The following BNC2 variants were observed in gnomAD, a reference collection of about 807,000 sequenced individuals.
BNC2 encodes the protein basonuclin zinc finger protein 2.
BNC2 carries 20 observed loss-of-function variants against 76.3 expected under a neutral mutation model. The ratio of observed to expected loss-of-function variants is 0.26; its 90% CI spans 0.18 to 0.38. BNC2 has a LOEUF of 0.38. Ranked by LOEUF, BNC2 falls within the 10% of genes least tolerant of loss-of-function variation. The pLI, the probability that BNC2 is intolerant of heterozygous loss-of-function variation, is 1.00. For synonymous variants in BNC2, 582 were observed against 514.8 expected (o/e 1.13, Z -1.77); for missense variants, 1,382 against 1,399.8 (o/e 0.99, Z 0.20).
At chr9:16,600,387 T>C (rs551573454) in intron 3 of BNC2, among the ~76,000 whole-genome samples, 2 of 152,328 alleles carry the variant, frequency 1.3e-5, no homozygotes, top group Admixed American at 6.5e-5. Flanking sequence ...TGTGCTCAAG[T>C]TGTTTAACAC....
chr9:16,453,325 G>C lies in BNC2; in HGVS notation c.670-15801C>G, dbSNP rs1821381441. 3.9e-5 allele frequency among the ~76,000 whole-genome samples: 6 copies of C among 152,296 alleles called. No homozygotes were observed. The South Asian group carries it at 1.2e-3, about 32-fold the overall frequency. On this transcript the variant is annotated intron_variant, in intron 5 of 6. Coordinates refer to ENST00000380672, the MANE Select transcript of BNC2 (RefSeq NM_017637.6). ...GCCATGATTCAAAGAAGCAGTTTGA[G>C]TTGAGCCCTCCACTGAGATGCTCTT...
chr9:16,710,052 G>A (rs1294438840), intron 3 of BNC2, among the ~76,000 whole-genome samples: 1 of 151,768 alleles, frequency 6.6e-6, no homozygotes, highest in Non-Finnish European at 1.5e-5. Flanking sequence ...TTATTTTCAA[G>A]ACATTCATAT....
At chr9:16,532,672 A>C (rs1237907467) in intron 5 of BNC2, among the ~76,000 whole-genome samples, 4 of 152,202 alleles carry the variant, frequency 2.6e-5, no homozygotes, top group Non-Finnish European at 5.9e-5. Context: ...AGGTACTCAA[A>C]ATTCATCACT....
chr9:16,503,721 A>C (rs940996280), intron 5 of BNC2, among the ~76,000 whole-genome samples: 1 of 152,206 alleles, frequency 6.6e-6, no homozygotes, highest in African/African-American at 2.4e-5. Flanking sequence ...GACAATGTTT[A>C]CTCAAGTTTT....
chr9:16,791,352 C>T (rs913413374), intron 1 of BNC2, among the ~76,000 whole-genome samples: 12 of 152,136 alleles, frequency 7.9e-5, no homozygotes, highest in Admixed American at 3.3e-4. Flanking sequence ...TGAGCCACCG[C>T]GCCCGGCCAC....
At chr9:16,747,897 A>T (rs1435971686) in intron 1 of BNC2, among the ~76,000 whole-genome samples, 2 of 152,192 alleles carry the variant, frequency 1.3e-5, no homozygotes, top group Non-Finnish European at 2.9e-5. Flanking sequence ...ATCCTTTCAT[A>T]GTTAGTTATA....
At position 16,723,319 on chromosome 9, in the gene BNC2, A is replaced by C. The variant is rs1824219443; in HGVS notation, c.330+4478T>G. Among the ~76,000 whole-genome samples the C allele has an allele frequency of 3.3e-5, 5 of 152,258 alleles. No individual in the cohort carries two copies. The South Asian group carries it at 1.0e-3, about 32-fold the overall frequency. Reference sequence around the variant, plus strand: ...CTGCTTTACTCAGGGCTTTGATTAAATAAGAATATACATCCTATGTAAAAA... The same window carrying C: ...CTGCTTTACTCAGGGCTTTGATTAACTAAGAATATACATCCTATGTAAAAA... On this transcript the variant is annotated intron_variant, in intron 3 of 6. Coordinates refer to ENST00000380672, the MANE Select transcript of BNC2 (RefSeq NM_017637.6).
intron 3 of BNC2, among the ~76,000 whole-genome samples, chr9:16,599,047 C>T (rs1443635244): frequency 6.6e-6 from 1 of 152,124 alleles, no homozygotes; most frequent in East Asian, 1.9e-4. Flanking sequence ...CATATAAAAA[C>T]AACTGAACAT....
At chr9:16,461,770 T>G (rs1413133235) in intron 5 of BNC2, among the ~76,000 whole-genome samples, 1 of 152,214 alleles carries the variant, frequency 6.6e-6, no homozygotes, top group Non-Finnish European at 1.5e-5. Context: ...TTTACATACC[T>G]ACTGTGTCAG....
intron 1 of BNC2, among the ~76,000 whole-genome samples, chr9:16,785,179 G>A (rs145923666): frequency 6.6e-6 from 1 of 152,264 alleles, no homozygotes; most frequent in East Asian, 1.9e-4. Context: ...GTTAATATGT[G>A]TCCACATTTA....
At chr9:16,558,871 T>C (rs1292789690) in intron 4 of BNC2, among the ~76,000 whole-genome samples, 2 of 150,138 alleles carry the variant, frequency 1.3e-5, no homozygotes, top group Non-Finnish European at 3.0e-5. Context: ...GAAGCAGAGG[T>C]TGCAGTGAGC....
At chr9:16,805,483 C>A (rs933715969) in intron 1 of BNC2, among the ~76,000 whole-genome samples, 1 of 151,988 alleles carries the variant, frequency 6.6e-6, no homozygotes, top group African/African-American at 2.4e-5. Flanking sequence ...CGTGCCACCA[C>A]AGCCTGGCTA....
At chr9:16,838,932 G>C (rs1175031499) in intron 1 of BNC2, among the ~76,000 whole-genome samples, 1 of 152,140 alleles carries the variant, frequency 6.6e-6, no homozygotes, top group African/African-American at 2.4e-5. Flanking sequence ...CTATTGTATT[G>C]GTCTATGTGT....
At chr9:16,507,066 T>C (rs988163555) in intron 5 of BNC2, among the ~76,000 whole-genome samples, 16 of 152,110 alleles carry the variant, frequency 1.1e-4, no homozygotes, top group Non-Finnish European at 1.5e-5. Flanking sequence ...CACTTCTCTA[T>C]AAGGCCCGCC....
chr9:16,627,705 A>C (rs1821038396), intron 3 of BNC2, among the ~76,000 whole-genome samples: 1 of 152,172 alleles, frequency 6.6e-6, no homozygotes, highest in African/African-American at 2.4e-5. Context: ...GAGCTGTAAT[A>C]CCATACTCAT....
intron 3 of BNC2, among the ~76,000 whole-genome samples, chr9:16,662,607 A>G (rs1394612900): frequency 1.3e-5 from 2 of 152,162 alleles, no homozygotes; most frequent in Admixed American, 6.5e-5. Flanking sequence ...ATGGTGGTGC[A>G]TGCCTGTAGT....
Position 16,615,055 on chromosome 9 carries a change from C to T in BNC2, c.331-31970G>A, listed in dbSNP as rs530911248. On this transcript the variant is annotated intron_variant, in intron 3 of 6. Transcript: ENST00000380672. ...CATACAAGAACAGTCTGCAGACACA[C>T]CAGCATGCCCCAAATTAGGCAACAT... 4.6e-4 allele frequency among the ~76,000 whole-genome samples: 69 copies of T among 149,376 alleles called. 1 individual carries two copies. The highest frequency in any genetic ancestry group is 1.6e-3 in the African/African-American group (66 of 40,490).
chr9:16,439,951 T>C (rs868354289), intron 5 of BNC2, among the ~76,000 whole-genome samples: 2 of 152,184 alleles, frequency 1.3e-5, no homozygotes, highest in South Asian at 2.1e-4. Context: ...TGCAGGCACA[T>C]GGCAACCCCA....
Position 16,436,082 on chromosome 9 carries a change from T to G in BNC2, c.2112A>C (p.Glu704Asp), listed in dbSNP as rs1199446060. The G allele has an allele frequency of 6.2e-7, 1 of 1,614,160 alleles. No homozygotes were observed. Among genetic ancestry groups the G allele is most frequent in the East Asian group, 2.2e-5 (1 of 44,866 alleles). ...HNRTRCISRT[E>D]IRRADSMTSE... Reference sequence around the variant, plus strand: ...AAGTCATGCTGTCGGCCCTCCTTATTTCAGTCCTTGAAATGCACCGGGTCC... The same window carrying G: ...AAGTCATGCTGTCGGCCCTCCTTATGTCAGTCCTTGAAATGCACCGGGTCC... Residue 704 changes from glutamate (E) to aspartate (D), a missense_variant, in exon 6 of 7, where the codon GAA becomes GAC. By Grantham distance (45) the Glu-to-Asp change is conservative. Coordinates refer to ENST00000380672, the MANE Select transcript of BNC2 (RefSeq NM_017637.6).
Sources: allele counts gnomAD v4.1 joint callset (sites outside exome capture counted in the v4.1 genomes callset), GRCh38; gene constraint gnomAD v4.1.1; transcripts MANE v1.5; gene names NCBI Gene and HGNC (gene_info 2026-07-23, HGNC 2026-07-21).